The following RGS7 variants were observed in gnomAD, a reference collection of about 807,000 sequenced individuals.
RGS7 encodes regulator of G-protein signaling 7.
Under a neutral mutation model 81.1 loss-of-function variants are expected in RGS7, and 27 were observed. The ratio of observed to expected loss-of-function variants is 0.33; its 90% CI spans 0.25 to 0.46. The LOEUF (loss-of-function observed/expected upper bound fraction) is 0.46, where lower values mean the gene tolerates loss of function less well. Ranked by LOEUF, RGS7 falls within the 20% of genes least tolerant of loss-of-function variation. The pLI, the probability that RGS7 is intolerant of heterozygous loss-of-function variation, is 1.00. For missense variants in RGS7, 396 were observed against 607.4 expected (o/e 0.65, Z 3.66); for synonymous variants, 208 against 207.7 (o/e 1.00, Z -0.01).
At chr1:240,972,021 A>T (rs539120095) in intron 4 of RGS7, among the ~76,000 whole-genome samples, 1 of 152,370 alleles carries the variant, frequency 6.6e-6, no homozygotes, top group African/African-American at 2.4e-5. Context: ...TTGACCTGTA[A>T]TATACGAGTT....
intron 13 of RGS7, among the ~76,000 whole-genome samples, chr1:240,812,851 G>A (rs1690108151): frequency 6.6e-6 from 1 of 152,180 alleles, no homozygotes; most frequent in Non-Finnish European, 1.5e-5. Flanking sequence ...AATTAAATCT[G>A]TGACCTAATC....
At chr1:241,025,216 G>A (rs374648713) in intron 3 of RGS7, among the ~76,000 whole-genome samples, 2 of 152,228 alleles carry the variant, frequency 1.3e-5, no homozygotes, top group East Asian at 1.9e-4. Flanking sequence ...ATACACAATG[G>A]TGTTGAACAG....
At chr1:241,037,564 C>CA (rs973077929) in intron 3 of RGS7, among the ~76,000 whole-genome samples, 2 of 151,636 alleles carry the variant, frequency 1.3e-5, no homozygotes, top group African/African-American at 4.8e-5. Flanking sequence ...ACTAAAAATA[C>CA]AAAAAAATTA....
chr1:241,143,688 A>G (rs923832432), intron 2 of RGS7, among the ~76,000 whole-genome samples: 2 of 152,212 alleles, frequency 1.3e-5, no homozygotes, highest in Non-Finnish European at 2.9e-5. Context: ...ATGTACCTTT[A>G]GTAGAATTAA....
intron 18 of RGS7, among the ~76,000 whole-genome samples, chr1:240,782,126 T>C (rs372342007): frequency 4.6e-5 from 7 of 152,160 alleles, no homozygotes; most frequent in African/African-American, 7.2e-5. Flanking sequence ...TTGTAAACCA[T>C]GTGCAAATCC....
chr1:241,207,354 T>TATATATATATATATATATATAC (rs1206361203), intron 2 of RGS7, among the ~76,000 whole-genome samples: 2 of 151,246 alleles, frequency 1.3e-5, no homozygotes, highest in Non-Finnish European at 2.9e-5. Flanking sequence ...AATGCATATA[T>TATATATATATATATATATATAC]ATATATGCGT....
chr1:241,292,498 C>T (rs2079146489), intron 2 of RGS7, among the ~76,000 whole-genome samples: 1 of 152,142 alleles, frequency 6.6e-6, no homozygotes, highest in African/African-American at 2.4e-5. Context: ...TCCCTGGTAG[C>T]AGTGGAGATT....
intron 3 of RGS7, among the ~76,000 whole-genome samples, chr1:241,031,785 T>C (rs191072542): frequency 6.6e-6 from 1 of 152,284 alleles, no homozygotes; most frequent in East Asian, 1.9e-4. Context: ...TTTTGAAAAA[T>C]GTCTGTTTGT....
intron 2 of RGS7, among the ~76,000 whole-genome samples, chr1:241,133,534 T>C (rs1420013166): frequency 6.6e-6 from 1 of 150,462 alleles, no homozygotes; most frequent in Non-Finnish European, 1.5e-5. Context: ...GATACAAATA[T>C]AAAAAAAAAG....
chr1:241,032,260 A>G (rs761205512), intron 3 of RGS7, among the ~76,000 whole-genome samples: 4 of 152,116 alleles, frequency 2.6e-5, no homozygotes, highest in African/African-American at 4.8e-5. Flanking sequence ...AAGTTTGTCA[A>G]CTTAGTCTAA....
intron 9 of RGS7, among the ~76,000 whole-genome samples, chr1:240,829,061 A>C (rs1693353563): frequency 6.6e-6 from 1 of 152,220 alleles, no homozygotes; most frequent in South Asian, 2.1e-4. Flanking sequence ...CTTTCCTTAA[A>C]GAACCATCTC....
chr1:240,798,356 A>G (rs1687423269), intron 18 of RGS7, among the ~76,000 whole-genome samples: 1 of 152,212 alleles, frequency 6.6e-6, no homozygotes, highest in South Asian at 2.1e-4. Context: ...GGGGTGAAAC[A>G]AAAACAACAA....
chr1:241,051,095 C>T (rs1480464588), intron 3 of RGS7, among the ~76,000 whole-genome samples: 1 of 152,024 alleles, frequency 6.6e-6, no homozygotes, highest in East Asian at 1.9e-4. Flanking sequence ...GGTCTGGGTG[C>T]CTGTCCATCA....
chr1:240,835,523 C>T (rs11799520), intron 9 of RGS7, among the ~76,000 whole-genome samples: 7,859 of 152,274 alleles, frequency 0.052, 301 homozygotes, highest in Middle Eastern at 0.078. Flanking sequence ...CTTTGCAAGA[C>T]GGTTTGGCAG....
chr1:241,156,449 T>A (rs1055847625), intron 2 of RGS7, among the ~76,000 whole-genome samples: 2 of 151,140 alleles, frequency 1.3e-5, no homozygotes, highest in Non-Finnish European at 2.9e-5. Flanking sequence ...AAGGCTGCAG[T>A]GAGCCATGAT....
Position 240,775,707 on chromosome 1 carries a change from G to GGTCGCCGT in RGS7, c.*512_*513insACGGCGAC. The GGTCGCCGT allele has an allele frequency of 1.9e-4, 33 of 170,340 alleles. No individual in the cohort carries two copies. The highest frequency in any genetic ancestry group is 1.0e-3 in the East Asian group (7 of 6,842). 10.6% of individuals were successfully genotyped at this position (170,340 alleles called of 1,614,324 possible). On this transcript the variant is annotated 3_prime_UTR_variant, in exon 19 of 19. Transcript: ENST00000440928. ...AAGACATGAGTTTGTTTCTGACTGTGACACATTGGTGAAATGAAACTTTCT... is the reference window on the plus strand; with the variant it reads ...AAGACATGAGTTTGTTTCTGACTGTGGTCGCCGTACACATTGGTGAAATGAAACTTTCT...
intron 2 of RGS7, among the ~76,000 whole-genome samples, chr1:241,123,911 G>C (rs560268158): frequency 2.0e-5 from 3 of 152,198 alleles, no homozygotes; most frequent in Non-Finnish European, 2.9e-5. Flanking sequence ...AAGAGGGCCT[G>C]CCCCTGGAGA....
chr1:240,883,177 T>C (rs983015285), intron 6 of RGS7, among the ~76,000 whole-genome samples: 6 of 146,070 alleles, frequency 4.1e-5, no homozygotes, highest in Admixed American at 1.4e-4. Context: ...GTCTTTGCTG[T>C]TGTGGGGTGG....
chr1:241,236,949 C>T (rs2076014249), intron 2 of RGS7, among the ~76,000 whole-genome samples: 1 of 152,116 alleles, frequency 6.6e-6, no homozygotes, highest in South Asian at 2.1e-4. Context: ...TTGCTTTGCC[C>T]ATTTTAGTCT....
Sources: allele counts gnomAD v4.1 joint callset (sites outside exome capture counted in the v4.1 genomes callset), GRCh38; gene constraint gnomAD v4.1.1; transcripts MANE v1.5; gene names NCBI Gene and HGNC (gene_info 2026-07-23, HGNC 2026-07-21).